LMBR1: variants seen among roughly 807,000 people sequenced by gnomAD.
The protein encoded by LMBR1 is limb region 1 protein homolog.
In LMBR1, 52 loss-of-function variants were observed where a neutral mutation model predicts 73.9. That is an observed-to-expected ratio of 0.70 (90% CI 0.56 to 0.89). The LOEUF (loss-of-function observed/expected upper bound fraction) is 0.89, where lower values mean the gene tolerates loss of function less well. Among genes scored for constraint, LMBR1 ranks in the 40% least tolerant of loss-of-function variants. LMBR1 has a pLI of 0.00. For missense variants in LMBR1, 539 were observed against 579.8 expected (o/e 0.93, Z 0.72); for synonymous variants, 215 against 209.4 (o/e 1.03, Z -0.23).
chr7:156,730,277 G>C (rs565561218), intron 10 of LMBR1, among the ~76,000 whole-genome samples: 1 of 152,326 alleles, frequency 6.6e-6, no homozygotes, highest in South Asian at 2.1e-4. Context: ...ACAACAGAAA[G>C]ATGCAACTAT....
chr7:156,829,572 G>A (rs376588142), intron 3 of LMBR1, among the ~76,000 whole-genome samples: 2 of 152,080 alleles, frequency 1.3e-5, no homozygotes, highest in Admixed American at 6.5e-5. Flanking sequence ...GCAGAACTGC[G>A]AGCCAAATAA....
intron 1 of LMBR1, among the ~76,000 whole-genome samples, chr7:156,880,152 G>A (rs1800855676): frequency 6.6e-6 from 1 of 152,158 alleles, no homozygotes; most frequent in African/African-American, 2.4e-5. Flanking sequence ...TGTAACTATG[G>A]AATACTACCC....
intron 3 of LMBR1, 36 bp from the exon 4 acceptor site, chr7:156,826,780 G>A (rs1835778900): frequency 6.4e-7 from 1 of 1,559,954 alleles, no homozygotes; most frequent in Non-Finnish European, 8.7e-7. Flanking sequence ...CAAGTGATCT[G>A]AAAAAGCAAT....
intron 1 of LMBR1, among the ~76,000 whole-genome samples, chr7:156,873,100 C>T (rs1029922876): frequency 2.0e-5 from 3 of 152,164 alleles, no homozygotes; most frequent in African/African-American, 7.2e-5. Context: ...TCACTGACTT[C>T]AAGAATGAAG....
chr7:156,754,742 A>G (rs1447166459), intron 9 of LMBR1, among the ~76,000 whole-genome samples: 4 of 152,040 alleles, frequency 2.6e-5, no homozygotes, highest in Non-Finnish European at 4.4e-5. Context: ...TCCTATTTCT[A>G]TTTTCTGAAG....
chr7:156,750,728 A>G (rs979759501), intron 9 of LMBR1, among the ~76,000 whole-genome samples: 18 of 152,212 alleles, frequency 1.2e-4, no homozygotes, highest in Admixed American at 1.2e-3. Flanking sequence ...GTCTAGCAAC[A>G]TTATAGAATC....
At chr7:156,876,032 G>T (rs1248995775) in intron 1 of LMBR1, among the ~76,000 whole-genome samples, 3 of 152,016 alleles carry the variant, frequency 2.0e-5, no homozygotes, top group Non-Finnish European at 4.4e-5. Context: ...ACAGAATTGC[G>T]GAATGGATAA....
chr7:156,688,283 T>A, intron 15 of LMBR1, 92 bp from the exon 16 acceptor site: 2 of 853,130 alleles, frequency 2.3e-6, no homozygotes, highest in East Asian at 2.7e-5. Context: ...TCGAATTCTA[T>A]GGACTTTCTC....
intron 4 of LMBR1, among the ~76,000 whole-genome samples, chr7:156,806,598 CTTTTTTTTTTTTTTT>C (rs71189962): frequency 4.5e-4 from 20 of 44,674 alleles, no homozygotes; most frequent in African/African-American, 1.7e-3. Flanking sequence ...TTTGTAGATG[CTTTTTTTTTTTTTTT>C]TTTTTTTTTT....
At chr7:156,764,789 C>T (rs886910241) in intron 5 of LMBR1, among the ~76,000 whole-genome samples, 1 of 152,154 alleles carries the variant, frequency 6.6e-6, no homozygotes, top group Non-Finnish European at 1.5e-5. Flanking sequence ...ATTAAAATCA[C>T]GGCACCCCAG....
At chr7:156,819,529 T>C (rs1270028711) in intron 4 of LMBR1, among the ~76,000 whole-genome samples, 2 of 152,308 alleles carry the variant, frequency 1.3e-5, no homozygotes, top group African/African-American at 2.4e-5. Context: ...CTAGAACAGA[T>C]GCTCCATGGG....
At chr7:156,873,570 T>C (rs1282019373) in intron 1 of LMBR1, among the ~76,000 whole-genome samples, 1 of 151,926 alleles carries the variant, frequency 6.6e-6, no homozygotes, top group African/African-American at 2.4e-5. Flanking sequence ...TTTGTCAGGG[T>C]GCTGATTGGT....
chr7:156,705,555 C>T (rs757553310), intron 15 of LMBR1, among the ~76,000 whole-genome samples: 1 of 151,674 alleles, frequency 6.6e-6, no homozygotes, highest in Admixed American at 6.6e-5. Flanking sequence ...GAGACTCTGT[C>T]GCAAAAAGAA....
chr7:156,700,097 T>C (rs1224146761), intron 15 of LMBR1, among the ~76,000 whole-genome samples: 2 of 152,218 alleles, frequency 1.3e-5, no homozygotes, highest in African/African-American at 4.8e-5. Flanking sequence ...TGCACACGTA[T>C]GTTTATTGCG....
rs1234526773 is a variant in LMBR1, at chr7:156,763,853, G to A, written c.424-58C>T. 12 of 1,417,710 alleles carry A rather than the reference G, an allele frequency of 8.5e-6. No individual in the cohort carries two copies. The African/African-American group carries it at 1.6e-4, about 19-fold the overall frequency. 87.8% of individuals were successfully genotyped at this position (1,417,710 alleles called of 1,614,324 possible). On this transcript the variant is annotated intron_variant, in intron 5 of 16. Coordinates refer to ENST00000353442, the MANE Select transcript of LMBR1 (RefSeq NM_022458.4). ...TTTTACTTCATTTCATGAACAATAAGGTTTCTGCCTATATGAAAGCATAAA... is the reference window on the plus strand; with the variant it reads ...TTTTACTTCATTTCATGAACAATAAAGTTTCTGCCTATATGAAAGCATAAA...
At chr7:156,749,158 G>GT (rs1453852085) in intron 9 of LMBR1, among the ~76,000 whole-genome samples, 1 of 152,106 alleles carries the variant, frequency 6.6e-6, no homozygotes, top group Non-Finnish European at 1.5e-5. Context: ...CTTCAGTGAC[G>GT]TAACTAACAG....
intron 15 of LMBR1, among the ~76,000 whole-genome samples, chr7:156,712,590 T>G (rs895414716): frequency 6.6e-6 from 1 of 152,120 alleles, no homozygotes; most frequent in Non-Finnish European, 1.5e-5. Context: ...CTGATCACAA[T>G]AGCAAAGATA....
At chr7:156,859,251 A>G (rs1797402719) in intron 1 of LMBR1, among the ~76,000 whole-genome samples, 1 of 150,024 alleles carries the variant, frequency 6.7e-6, no homozygotes, top group African/African-American at 2.4e-5. Flanking sequence ...TCCGTCTCAA[A>G]AAAAAAAAAA....
At chr7:156,732,028 C>G (rs1315976202) in intron 10 of LMBR1, among the ~76,000 whole-genome samples, 1 of 151,602 alleles carries the variant, frequency 6.6e-6, no homozygotes, top group Non-Finnish European at 1.5e-5. Flanking sequence ...CCACCAACAG[C>G]AGGATGACTG....
Sources: gnomAD v4.1 joint callset for allele counts (sites outside exome capture counted in the v4.1 genomes callset) on GRCh38, gnomAD v4.1.1 for gene constraint, MANE v1.5 for transcripts, NCBI Gene and HGNC (gene_info 2026-07-23, HGNC 2026-07-21) for gene names.